Variants in SUMF2 observed in about 807,000 individuals in gnomAD.
The protein encoded by SUMF2 is inactive C-alpha-formylglycine-generating enzyme 2.
In SUMF2, 45 loss-of-function variants were observed where a neutral mutation model predicts 44.8. The observed-to-expected ratio is 1.00, with a 90% CI of 0.79 to 1.29. The LOEUF is 1.29. SUMF2 is among the 50% of genes most tolerant of loss of function. The probability of loss-of-function intolerance (pLI) is 0.00; values close to 1 mark genes in which losing one functional copy is unlikely to be tolerated. For synonymous variants in SUMF2, 148 were observed against 150.4 expected (o/e 0.98, Z 0.12); for missense variants, 418 against 389.9 (o/e 1.07, Z -0.61).
chr7:56,078,361 C>T lies in SUMF2; in HGVS notation c.677-3C>T. The T allele has an allele frequency of 1.3e-6, 2 of 1,598,372 alleles. No individual in the cohort carries two copies. Among genetic ancestry groups the T allele is most frequent in the South Asian group, 1.1e-5 (1 of 89,326 alleles). On this transcript the variant is annotated splice_polypyrimidine_tract_variant and splice_region_variant and intron_variant, in intron 7 of 8. Coordinates refer to ENST00000434526, the MANE Select transcript of SUMF2 (RefSeq NM_015411.4). ...CTGGCCTGACCCGCCGGTGGGGCTG[C>T]AGGGCTCTATGACCTCCTGGGGAAC... is the stretch of plus-strand genomic sequence containing the variant.
At chr7:56,083,536 G>T, downstream of SUMF2, 5 of 1,526,724 alleles carry the variant, frequency 3.3e-6, no homozygotes, top group Non-Finnish European at 4.5e-6. Context: ...CTGCAAGGGA[G>T]CAGCACACAC....
intron 6 of SUMF2, among the ~76,000 whole-genome samples, chr7:56,077,434 G>T (rs1795638170): frequency 1.3e-5 from 2 of 150,486 alleles, no homozygotes; most frequent in African/African-American, 4.9e-5. Context: ...GGCCGAGGCG[G>T]GTGGATCACC....
chr7:56,087,920 T>G, the SUMF2 span: 1 of 645,630 alleles, frequency 1.5e-6, no homozygotes, highest in Non-Finnish European at 2.7e-6. Flanking sequence ...AAATGGTGGA[T>G]GAATAAATAC....
chr7:56,074,122 G>T, intron 3 of SUMF2, 52 bp from the exon 4 acceptor site: 2 of 1,579,252 alleles, frequency 1.3e-6, no homozygotes, highest in East Asian at 2.2e-5. Flanking sequence ...AGTCGGGGAG[G>T]TGCCTTTGCT....
downstream of SUMF2, chr7:56,083,327 G>A (rs1796105923): frequency 1.2e-6 from 2 of 1,613,998 alleles, no homozygotes; most frequent in Non-Finnish European, 1.7e-6. Flanking sequence ...CAAAGTCTGT[G>A]AGCTTGATGT....
At chr7:56,064,807 C>T (rs1794641631) in intron 1 of SUMF2, among the ~76,000 whole-genome samples, 1 of 146,418 alleles carries the variant, frequency 6.8e-6, no homozygotes, top group South Asian at 2.1e-4. Flanking sequence ...CGCTTGAACC[C>T]AGGAGGCGGA....
At chr7:56,075,111 G>A (rs1795451062) in intron 5 of SUMF2, among the ~76,000 whole-genome samples, 1 of 152,000 alleles carries the variant, frequency 6.6e-6, no homozygotes, top group African/African-American at 2.4e-5. Context: ...AGAAAAAGCG[G>A]GGGGATGGGG....
At chr7:56,074,893 T>A in intron 5 of SUMF2, 157 bp downstream of exon 5, 1 of 869,440 alleles carries the variant, frequency 1.2e-6, no homozygotes, top group Non-Finnish European at 1.7e-6. Context: ...AGGCCAGGAG[T>A]AAAAGACTAG....
chr7:56,081,842 C>T (rs768054720), downstream of SUMF2: 61 of 1,609,078 alleles, frequency 3.8e-5, no homozygotes, highest in East Asian at 3.1e-4. This position sits in a 1 kb window ranked among gnomAD's most constrained non-coding sequence, Gnocchi z 4.6. Flanking sequence ...CGGGCAGGGG[C>T]GCCTGGCATC....
intron 1 of SUMF2, among the ~76,000 whole-genome samples, chr7:56,066,123 C>CA (rs1469235651): frequency 6.5e-5 from 8 of 123,234 alleles, no homozygotes; most frequent in African/African-American, 1.8e-4. Context: ...CAAAACAAAA[C>CA]AAAAAAAACG....
chr7:56,083,528 G>A, downstream of SUMF2: 2 of 1,537,750 alleles, frequency 1.3e-6, no homozygotes, highest in Non-Finnish European at 1.8e-6. Context: ...CAGCCACACT[G>A]CAAGGGAGCA....
Position 56,078,477 on chromosome 7 carries a change from T to C in SUMF2, c.790T>C (p.Ser264Pro). 6.3e-7 allele frequency: 1 copy of C among 1,593,080 alleles called. No homozygotes were observed. Among genetic ancestry groups the C allele is most frequent in the South Asian group, 1.1e-5 (1 of 88,224 alleles). The change falls in exon 8 of 9, where the codon TCT (serine) becomes CCT (proline). Residue 264 changes from serine (S) to proline (P), a missense_variant. Physicochemically the swap from Ser to Pro is moderately conservative, Grantham distance 74. Transcript: ENST00000434526. ...ATCCTGGATCGACACAGCTGATGGC[T>C]CTGCCAATCACCGGGCCCGGGTCAC... The part of the protein sequence containing the change: ...GASWIDTADG[S>P]ANHRARVTTR...
At position 56,066,273 on chromosome 7, in the gene SUMF2, T is replaced by G. The variant is rs115589337; in HGVS notation, c.67+1895T>G. 7.2e-3 allele frequency among the ~76,000 whole-genome samples: 1,093 copies of G among 152,116 alleles called. 10 individuals are homozygous for G. The highest frequency in any genetic ancestry group is 0.024 in the African/African-American group (994 of 41,472). ...TAGACATCCTTTCTTGGAAAGACAC[T>G]GTGAAGTGGTGCATCAGCTGAAGCA... On this transcript the variant is annotated intron_variant, in intron 1 of 8. Transcript: ENST00000434526.
At chr7:56,065,497 G>A (rs1794723630) in intron 1 of SUMF2, among the ~76,000 whole-genome samples, 1 of 152,134 alleles carries the variant, frequency 6.6e-6, no homozygotes, top group African/African-American at 2.4e-5. Context: ...AACGTTTGCT[G>A]GCTGAATTAG....
At chr7:56,066,713 C>T (rs1373582051) in intron 1 of SUMF2, among the ~76,000 whole-genome samples, 1 of 152,194 alleles carries the variant, frequency 6.6e-6, no homozygotes, top group East Asian at 1.9e-4. Context: ...CTCCGCCTCC[C>T]GGGTGCAAGC....
Position 56,078,092 on chromosome 7 carries a change from C to T in SUMF2, c.592-10C>T, listed in dbSNP as rs1795687796. ...GTGGTAAATCCTTTACCCTTCCTTT[C>T]TCCCATCAGGGAAAGTTCCCCAAGG... On this transcript the variant is annotated splice_polypyrimidine_tract_variant and intron_variant, in intron 6 of 8. Coordinates refer to ENST00000434526, the MANE Select transcript of SUMF2 (RefSeq NM_015411.4). The T allele has an allele frequency of 1.2e-6, 2 of 1,605,324 alleles. No homozygotes were observed. Among genetic ancestry groups the T allele is most frequent in the Non-Finnish European group, 1.7e-6 (2 of 1,173,304 alleles).
intron 2 of SUMF2, among the ~76,000 whole-genome samples, chr7:56,072,691 C>T (rs1795257107): frequency 6.6e-6 from 1 of 152,180 alleles, no homozygotes; most frequent in African/African-American, 2.4e-5. Flanking sequence ...CCATTGCACT[C>T]CAGCCTGGGC....
downstream of SUMF2, chr7:56,081,578 T>A: frequency 6.2e-7 from 1 of 1,601,114 alleles, no homozygotes; most frequent in Non-Finnish European, 8.5e-7. The surrounding 1 kb of genome is among the most constrained non-coding windows in gnomAD (Gnocchi z 4.6). Flanking sequence ...AGGAGGGGGC[T>A]TAGAGGTTTG....
chr7:56,069,500 AATAC>A (rs1369842746), intron 2 of SUMF2, among the ~76,000 whole-genome samples: 1 of 151,954 alleles, frequency 6.6e-6, no homozygotes, highest in African/African-American at 2.4e-5. Context: ...TATATATATA[AATAC>A]ATATATATAA....
Sources: allele counts gnomAD v4.1 joint callset (sites outside exome capture counted in the v4.1 genomes callset), GRCh38; gene constraint gnomAD v4.1.1; non-coding constraint Gnocchi (gnomAD v3.1); transcripts MANE v1.5; gene names NCBI Gene and HGNC (gene_info 2026-07-23, HGNC 2026-07-21).